CACNB2: variants seen among roughly 807,000 people sequenced by gnomAD.
The protein encoded by CACNB2 is voltage-dependent L-type calcium channel subunit beta-2.
CACNB2 carries 42 observed loss-of-function variants against 73.3 expected under a neutral mutation model. The ratio of observed to expected loss-of-function variants is 0.57; its 90% CI spans 0.45 to 0.74. The LOEUF is 0.74. Ranked by LOEUF, CACNB2 falls within the 30% of genes least tolerant of loss-of-function variation. The pLI, the probability that CACNB2 is intolerant of heterozygous loss-of-function variation, is 0.00. For synonymous variants in CACNB2, 348 were observed against 310.3 expected, an observed-to-expected ratio of 1.12 and a Z score of -1.28; for missense variants, 940 against 853.0, an observed-to-expected ratio of 1.10 and a Z score of -1.27.
intron 3 of CACNB2, among the ~76,000 whole-genome samples, chr10:18,451,758 A>G (rs2047034007): frequency 6.6e-6 from 1 of 152,204 alleles, no homozygotes; most frequent in Non-Finnish European, 1.5e-5. Context: ...GTAGTTCGTT[A>G]TCACCACTAC....
chr10:18,359,733 C>G (rs1175861367), intron 2 of CACNB2, among the ~76,000 whole-genome samples: 1 of 151,984 alleles, frequency 6.6e-6, no homozygotes, highest in Non-Finnish European at 1.5e-5. Context: ...AGGTATTTCT[C>G]CTAATGCTGT....
At chr10:18,456,724 G>A (rs751682582) in intron 3 of CACNB2, among the ~76,000 whole-genome samples, 1 of 152,100 alleles carries the variant, frequency 6.6e-6, no homozygotes, top group Non-Finnish European at 1.5e-5. Flanking sequence ...TAACTACCTG[G>A]TATGAGTGGA....
At chr10:18,351,156 T>C (rs202050179) in intron 2 of CACNB2, among the ~76,000 whole-genome samples, 12,872 of 151,954 alleles carry the variant, frequency 0.085, 707 homozygotes, top group Non-Finnish European at 0.12. Flanking sequence ...TTTTCTTTTT[T>C]TTTTTTTCTT....
Position 18,225,601 on chromosome 10 carries a change from C to CGTCG in CACNB2, c.213+74626_213+74627insGTCG, listed in dbSNP as rs1464009304. On this transcript the variant is annotated intron_variant, in intron 2 of 13. Coordinates refer to ENST00000324631, the MANE Select transcript of CACNB2 (RefSeq NM_201596.3). ...CGCTCCTTCCTTCCTTCCTTCCTTCCTTTCTTCCGTCGTTTCTTCCTTCCT... is the reference window on the plus strand; with the variant it reads ...CGCTCCTTCCTTCCTTCCTTCCTTCCGTCGTTTCTTCCGTCGTTTCTTCCTTCCT... 3.7e-5 allele frequency among the ~76,000 whole-genome samples: 5 copies of CGTCG among 133,400 alleles called. No homozygotes were observed. The Admixed American group carries it at 3.9e-4, about 11-fold the overall frequency. 87.5% of individuals were successfully genotyped at this position (133,400 alleles called of 152,430 possible).
intron 2 of CACNB2, among the ~76,000 whole-genome samples, chr10:18,378,623 C>T (rs1163605761): frequency 6.6e-6 from 1 of 152,056 alleles, no homozygotes; most frequent in Non-Finnish European, 1.5e-5. Context: ...TGGTGGTGTG[C>T]GTCTGTGATC....
chr10:18,337,398 G>A (rs1262414125), intron 2 of CACNB2, among the ~76,000 whole-genome samples: 2 of 151,982 alleles, frequency 1.3e-5, no homozygotes, highest in Non-Finnish European at 2.9e-5. Context: ...CACCATGCCC[G>A]GCCTACTTTT....
chr10:18,231,365 G>C (rs1012196397), intron 2 of CACNB2, among the ~76,000 whole-genome samples: 6 of 152,162 alleles, frequency 3.9e-5, no homozygotes, highest in African/African-American at 1.4e-4. Flanking sequence ...TTTTAGTAGA[G>C]ATGGGGTTTC....
Position 18,376,465 on chromosome 10 carries a change from A to G in CACNB2, c.214-25459A>G, listed in dbSNP as rs545599765. The stretch of plus-strand genomic sequence containing the variant: ...TAGCACAACAGGATGACTATAGCCA[A>G]TAATTGTAAGAGTTAATGAAAGAGG... On this transcript the variant is annotated intron_variant, in intron 2 of 13. Coordinates refer to ENST00000324631, the MANE Select transcript of CACNB2 (RefSeq NM_201596.3). 2.0e-5 allele frequency among the ~76,000 whole-genome samples: 3 copies of G among 152,220 alleles called. No individual in the cohort carries two copies. The South Asian group carries it at 6.2e-4, about 32-fold the overall frequency.
rs1259171029 is a variant in CACNB2, at chr10:18,539,821, T to C, written c.*97T>C. ...GTCTTTGGGGTCTACACTGCAATCA[T>C]ATGTGATCTGTCTTGTAATATTTTG... On this transcript the variant is annotated 3_prime_UTR_variant, in exon 14 of 14. Transcript: ENST00000324631. 2 of 1,206,688 alleles carry C rather than the reference T, an allele frequency of 1.7e-6. No homozygotes were observed. The highest frequency in any genetic ancestry group is 2.4e-6 in the Non-Finnish European group (2 of 846,360). 74.7% of individuals were successfully genotyped at this position (1,206,688 alleles called of 1,614,324 possible). A position where few individuals can be genotyped will look rare whatever the true frequency, so the allele number is the denominator to read the frequency against.
chr10:18,463,195 C>T (rs567064667), intron 3 of CACNB2, among the ~76,000 whole-genome samples: 7 of 152,184 alleles, frequency 4.6e-5, no homozygotes, highest in Non-Finnish European at 7.3e-5. Context: ...CTTCTTCCCT[C>T]CTGTTAGAAG....
At chr10:18,539,068 T>C in intron 13 of CACNB2, 162 bp from the exon 14 acceptor site, 1 of 871,204 alleles carries the variant, frequency 1.1e-6, no homozygotes. Flanking sequence ...GTATAAAGCC[T>C]TATAAATGCC....
chr10:18,494,874 A>C (rs547323174), intron 3 of CACNB2, among the ~76,000 whole-genome samples: 1 of 152,228 alleles, frequency 6.6e-6, no homozygotes, highest in East Asian at 1.9e-4. Context: ...CAGCCTGGGC[A>C]ACACAGCAAT....
intron 2 of CACNB2, among the ~76,000 whole-genome samples, chr10:18,237,231 C>T (rs956237276): frequency 1.3e-5 from 2 of 152,070 alleles, no homozygotes; most frequent in Non-Finnish European, 2.9e-5. Flanking sequence ...TCATAATCCC[C>T]AGTACTTATG....
chr10:18,375,335 T>A (rs2042753038), intron 2 of CACNB2, among the ~76,000 whole-genome samples: 1 of 152,236 alleles, frequency 6.6e-6, no homozygotes, highest in African/African-American at 2.4e-5. Context: ...TGTATCTTTA[T>A]TAAGATAAAG....
At chr10:18,400,562 C>T (rs1020418898) in intron 2 of CACNB2, 3 of 1,021,324 alleles carry the variant, frequency 2.9e-6, no homozygotes, top group Non-Finnish European at 3.5e-6. Flanking sequence ...CCTCCGCCTC[C>T]CCCCTCCCCC....
At chr10:18,220,103 A>ATTT (rs2035673485) in intron 2 of CACNB2, among the ~76,000 whole-genome samples, 1 of 71,080 alleles carries the variant, frequency 1.4e-5, no homozygotes. Context: ...TCCTTTTTTT[A>ATTT]TTTTTTAATA....
chr10:18,329,929 T>G (rs1042874681), intron 2 of CACNB2, among the ~76,000 whole-genome samples: 1 of 151,944 alleles, frequency 6.6e-6, no homozygotes, highest in African/African-American at 2.4e-5. Flanking sequence ...CCTCCTCCAC[T>G]TCCTGGTTTC....
intron 2 of CACNB2, among the ~76,000 whole-genome samples, chr10:18,342,158 T>C (rs1404881065): frequency 6.6e-6 from 1 of 152,184 alleles, no homozygotes; most frequent in African/African-American, 2.4e-5. Flanking sequence ...TTATCAAACA[T>C]GAAATAACTG....
chr10:18,214,768 G>A (rs549375167), intron 2 of CACNB2, among the ~76,000 whole-genome samples: 5 of 152,004 alleles, frequency 3.3e-5, no homozygotes, highest in Non-Finnish European at 7.4e-5. Context: ...GTTTGGGGCC[G>A]TTGATGTAAT....
Sources: gnomAD v4.1 joint callset for allele counts (sites outside exome capture counted in the v4.1 genomes callset) on GRCh38, gnomAD v4.1.1 for gene constraint, MANE v1.5 for transcripts, NCBI Gene and HGNC (gene_info 2026-07-23, HGNC 2026-07-21) for gene names.